MGAT5: variants seen among roughly 807,000 people sequenced by gnomAD.
The protein encoded by MGAT5 is alpha-1,6-mannosylglycoprotein 6-beta-N-acetylglucosaminyltransferase A.
A neutral mutation model predicts 94.3 loss-of-function variants in MGAT5; 30 were observed. That is an observed-to-expected ratio of 0.32 (90% CI 0.24 to 0.43). The LOEUF (loss-of-function observed/expected upper bound fraction) is 0.43. MGAT5 is among the 20% of genes least tolerant of loss of function. The pLI is 1.00. For missense variants in MGAT5, 691 were observed against 905.5 expected (o/e 0.76, Z 3.04); for synonymous variants, 310 against 322.9 (o/e 0.96, Z 0.43).
intron 2 of MGAT5, among the ~76,000 whole-genome samples, chr2:134,300,006 T>A (rs1685922277): frequency 6.6e-6 from 1 of 152,206 alleles, no homozygotes; most frequent in Non-Finnish European, 1.5e-5. Context: ...CTCTTTGATC[T>A]GCAGCCCTGT....
chr2:134,173,459 T>C (rs111813200), intron 1 of MGAT5, among the ~76,000 whole-genome samples: 104 of 152,330 alleles, frequency 6.8e-4, no homozygotes, highest in Non-Finnish European at 1.3e-3. Context: ...TCTTCCTGCA[T>C]GTACTGTGCT....
chr2:134,357,255 T>C (rs898067187), intron 9 of MGAT5, among the ~76,000 whole-genome samples: 7 of 152,228 alleles, frequency 4.6e-5, no homozygotes, highest in African/African-American at 1.7e-4. Flanking sequence ...CTCATCTTAC[T>C]TTCTTGTGTC....
At chr2:134,349,372 A>AAT (rs1679214664) in intron 8 of MGAT5, among the ~76,000 whole-genome samples, 1 of 152,192 alleles carries the variant, frequency 6.6e-6, no homozygotes. Context: ...TCCTAGAGAT[A>AAT]ACACGTGTCA....
intron 10 of MGAT5, among the ~76,000 whole-genome samples, chr2:134,376,450 A>G (rs1327203901): frequency 2.6e-5 from 4 of 152,144 alleles, no homozygotes; most frequent in Non-Finnish European, 5.9e-5. Context: ...ATTCTTAATG[A>G]TAACGTTTAC....
At chr2:134,422,733 A>G in intron 12 of MGAT5, 70 bp from the exon 13 acceptor site, 3 of 1,136,286 alleles carry the variant, frequency 2.6e-6, no homozygotes, top group Middle Eastern at 2.0e-4. Flanking sequence ...CATAAAAAGC[A>G]TAGCACTCCA....
At chr2:134,377,428 C>G (rs16830518) in intron 10 of MGAT5, among the ~76,000 whole-genome samples, 1 of 152,190 alleles carries the variant, frequency 6.6e-6, no homozygotes, top group African/African-American at 2.4e-5. Context: ...ATTATTTGAC[C>G]TAGGTCACAT....
chr2:134,198,843 G>A (rs574271569), intron 1 of MGAT5, among the ~76,000 whole-genome samples: 2 of 152,068 alleles, frequency 1.3e-5, no homozygotes, highest in South Asian at 4.2e-4. Flanking sequence ...TCCTTTGAGG[G>A]GTTTATATTA....
chr2:134,297,331 G>A (rs1685736524), intron 2 of MGAT5, among the ~76,000 whole-genome samples: 2 of 152,074 alleles, frequency 1.3e-5, no homozygotes, highest in African/African-American at 2.4e-5. Context: ...TATGTTAAGA[G>A]GAAATGACAC....
At chr2:134,130,364 C>A (rs1686090900) in intron 1 of MGAT5, among the ~76,000 whole-genome samples, 1 of 152,198 alleles carries the variant, frequency 6.6e-6, no homozygotes, top group Non-Finnish European at 1.5e-5. Flanking sequence ...TGCGCCGGGT[C>A]CCATTGACTG....
intron 2 of MGAT5, among the ~76,000 whole-genome samples, chr2:134,282,204 T>G (rs925042928): frequency 1.3e-5 from 2 of 152,240 alleles, no homozygotes; most frequent in Non-Finnish European, 2.9e-5. Context: ...CCTGTGTCTA[T>G]GCCACATGGG....
chr2:134,269,982 G>A (rs1213763489), intron 1 of MGAT5, among the ~76,000 whole-genome samples: 4 of 152,204 alleles, frequency 2.6e-5, no homozygotes, highest in East Asian at 1.9e-4. Context: ...TATGCAACAC[G>A]AAAAATAACA....
intron 12 of MGAT5, among the ~76,000 whole-genome samples, chr2:134,413,467 A>AT (rs1376629723): frequency 6.6e-6 from 1 of 152,122 alleles, no homozygotes; most frequent in African/African-American, 2.4e-5. Context: ...AATGTGACTG[A>AT]TTTTTTTCAC....
At chr2:134,292,802 A>G (rs575864278) in intron 2 of MGAT5, among the ~76,000 whole-genome samples, 2 of 152,304 alleles carry the variant, frequency 1.3e-5, no homozygotes, top group South Asian at 2.1e-4. Context: ...TAGACTCTCA[A>G]CGACATACAG....
At chr2:134,310,443 T>C (rs897857664) in intron 2 of MGAT5, among the ~76,000 whole-genome samples, 1 of 152,220 alleles carries the variant, frequency 6.6e-6, no homozygotes, top group Non-Finnish European at 1.5e-5. Flanking sequence ...ATGGTGTGGT[T>C]TCAGAAGTCC....
rs562814576 is a variant in MGAT5 at position 134,347,063 on chromosome 2, C to T, written c.1112+1999C>T. Among the ~76,000 whole-genome samples the T allele has an allele frequency of 1.9e-4, 29 of 152,196 alleles. 1 individual carries two copies. In the South Asian group the frequency reaches 6.0e-3, roughly 32 times the overall value. On this transcript the variant is annotated intron_variant, in intron 8 of 15. Coordinates refer to ENST00000281923, the MANE Select transcript of MGAT5 (RefSeq NM_002410.5). ...ACAAACATCTTTTTAAGTCATTAGT[C>T]GGCCTATGATGCTCCAGACACAGAG... is the stretch of plus-strand genomic sequence containing the variant.
At chr2:134,149,983 C>T (rs1687098864) in intron 1 of MGAT5, among the ~76,000 whole-genome samples, 1 of 152,186 alleles carries the variant, frequency 6.6e-6, no homozygotes, top group African/African-American at 2.4e-5. Context: ...CTCTCTCTTC[C>T]TTCCTCCAGT....
At chr2:134,284,987 G>A (rs1684916691) in intron 2 of MGAT5, among the ~76,000 whole-genome samples, 1 of 152,120 alleles carries the variant, frequency 6.6e-6, no homozygotes, top group Non-Finnish European at 1.5e-5. Context: ...TTAATTTTGT[G>A]AGTTTTGATT....
At chr2:134,306,254 G>C (rs1287744448) in intron 2 of MGAT5, among the ~76,000 whole-genome samples, 1 of 151,842 alleles carries the variant, frequency 6.6e-6, no homozygotes, top group Non-Finnish European at 1.5e-5. Flanking sequence ...ACAGAAAATG[G>C]TATTTACATA....
In MGAT5 at chr2:134,449,696, T is replaced by A. The variant is rs1300905817; in HGVS notation, c.*849T>A. On this transcript the variant is annotated 3_prime_UTR_variant, in exon 16 of 16. Coordinates refer to ENST00000281923, the MANE Select transcript of MGAT5 (RefSeq NM_002410.5). ...CAGGATTGAGGGATTTTGGAGTTTC[T>A]GGTAAACTCACCCTCCCTCCAGCCC... 1 of 152,202 alleles carries A rather than the reference T, an allele frequency of 6.6e-6. No individual in the cohort carries two copies. The highest frequency in any genetic ancestry group is 1.5e-5 in the Non-Finnish European group (1 of 68,048). 9.4% of individuals were successfully genotyped at this position (152,202 alleles called of 1,614,324 possible).
Sources: gnomAD v4.1 joint callset for allele counts (sites outside exome capture counted in the v4.1 genomes callset) on GRCh38, gnomAD v4.1.1 for gene constraint, MANE v1.5 for transcripts, NCBI Gene and HGNC (gene_info 2026-07-23, HGNC 2026-07-21) for gene names.